NKTR: variants seen among roughly 807,000 people sequenced by gnomAD.
NKTR encodes NK-tumor recognition protein.
A neutral mutation model predicts 156.3 loss-of-function variants in NKTR; 67 were observed. That is an observed-to-expected ratio of 0.43 (90% confidence interval 0.35 to 0.53). The LOEUF (loss-of-function observed/expected upper bound fraction) is 0.53. Ranked by LOEUF, NKTR falls within the 20% of genes least tolerant of loss-of-function variation. NKTR has a pLI of 0.01. For synonymous variants in NKTR, 640 were observed against 596.6 expected (o/e 1.07, Z -1.06); for missense variants, 1,604 against 1,730.9 (o/e 0.93, Z 1.30).
chr3:42,639,886 C>CA, intron 13 of NKTR, 136 bp downstream of exon 13: 1 of 740,614 alleles, frequency 1.4e-6, no homozygotes, highest in South Asian at 2.0e-5. Flanking sequence ...TTGTGTGATT[C>CA]AGAGAGTAGA....
At chr3:42,630,887 G>T (rs919105984) in intron 7 of NKTR, 7 of 1,362,916 alleles carry the variant, frequency 5.1e-6, no homozygotes, top group Admixed American at 3.4e-5. Context: ...CTGTAAGGAA[G>T]GTTCCCAAGT....
At chr3:42,644,844 A>T (rs965472228) in intron 16 of NKTR, among the ~76,000 whole-genome samples, 15 of 152,272 alleles carry the variant, frequency 9.9e-5, no homozygotes, top group Middle Eastern at 3.4e-3. Flanking sequence ...TAATCCTAGG[A>T]TACAGTCCCT....
Position 42,638,595 on chromosome 3 carries a change from G to C in NKTR, c.2891G>C (p.Cys964Ser), listed in dbSNP as rs758763448. ...RTSTSDSEGS[C>S]SNSENNRGKP... Reference sequence around the variant, plus strand: ...TCAACTTCTGACTCTGAGGGGTCCTGTTCCAATTCGGAAAACAATAGGGGA... The same window carrying C: ...TCAACTTCTGACTCTGAGGGGTCCTCTTCCAATTCGGAAAACAATAGGGGA... The change falls in exon 13 of 17, where the codon TGT becomes TCT. Residue 964 changes from cysteine (C) to serine (S), a missense_variant. Physicochemically the swap from Cys to Ser is moderately radical, Grantham distance 112. Transcript: ENST00000232978. The C allele has an allele frequency of 7.4e-6, 12 of 1,613,888 alleles. No individual in the cohort carries two copies. The African/African-American group carries it at 1.3e-4, about 18-fold the overall frequency.
Position 42,639,211 on chromosome 3 carries a change from A to G in NKTR, c.3507A>G (p.Glu1169=). The change falls in exon 13 of 17, where the codon GAA becomes GAG. Residue 1169 remains glutamate (E), a synonymous_variant. Transcript: ENST00000232978. Reference sequence around the variant, plus strand: ...TTTTGAAGCAGGATATGGCAACGGAACATCCTCAAGCAGAGGTAGTAAAAC... The same window carrying G: ...TTTTGAAGCAGGATATGGCAACGGAGCATCCTCAAGCAGAGGTAGTAAAAC... ...NIVLKQDMAT[E]HPQAEVVKQE... 1 of 1,614,220 alleles carries G rather than the reference A, an allele frequency of 6.2e-7. No homozygotes were observed. Among genetic ancestry groups the G allele is most frequent in the Non-Finnish European group, 8.5e-7 (1 of 1,180,042 alleles).
chr3:42,638,000 A>G lies in NKTR; in HGVS notation c.2296A>G (p.Asn766Asp). The change falls in exon 13 of 17, where the codon AAT becomes GAT. Residue 766 changes from asparagine (N) to aspartate (D), a missense_variant. Coordinates refer to ENST00000232978, the MANE Select transcript of NKTR (RefSeq NM_005385.4). ...KRRLRSSGKK[N>D]SVSHKKHSSS... ...GAGACTTAGATCCAGTGGGAAAAAAAATAGCGTTTCACATAAAAAGCATAG... is the reference window on the plus strand; with the variant it reads ...GAGACTTAGATCCAGTGGGAAAAAAGATAGCGTTTCACATAAAAAGCATAG... 6.2e-7 allele frequency: 1 copy of G among 1,614,198 alleles called. No individual in the cohort carries two copies. Among genetic ancestry groups the G allele is most frequent in the South Asian group, 1.1e-5 (1 of 91,074 alleles).
At chr3:42,621,364 A>C in intron 5 of NKTR, 65 bp from the exon 6 acceptor site, 1 of 1,548,748 alleles carries the variant, frequency 6.5e-7, no homozygotes, top group African/African-American at 1.4e-5. Flanking sequence ...TCTATTTATT[A>C]CTTGAACATT....
rs768519052 is a variant in NKTR, at chr3:42,638,990, T to A, written c.3286T>A (p.Leu1096Ile). The change falls in exon 13 of 17, where the codon TTA (leucine) becomes ATA (isoleucine). Residue 1096 changes from leucine (L) to isoleucine (I), a missense_variant. By Grantham distance (5) the Leu-to-Ile change is conservative. Transcript: ENST00000232978. Reference protein sequence around the residue: ...DSKLSISPTALNTEENVACLQ... With the variant: ...DSKLSISPTAINTEENVACLQ... The stretch of plus-strand genomic sequence containing the variant: ...TAAACTCAGTATTTCTCCCACAGCT[T>A]TAAATACTGAGGAAAATGTGGCCTG... The A allele has an allele frequency of 6.2e-7, 1 of 1,613,474 alleles. No homozygotes were observed. The highest frequency in any genetic ancestry group is 2.2e-5 in the East Asian group (1 of 44,876).
intron 2 of NKTR, among the ~76,000 whole-genome samples, chr3:42,608,240 C>T (rs1706428559): frequency 6.6e-6 from 1 of 151,876 alleles, no homozygotes; most frequent in Admixed American, 6.6e-5. Flanking sequence ...ATCCACCCAC[C>T]TCGGCCTCCG....
intron 2 of NKTR, among the ~76,000 whole-genome samples, chr3:42,605,040 C>T (rs1406762444): frequency 1.3e-5 from 2 of 152,040 alleles, no homozygotes; most frequent in African/African-American, 2.4e-5. Context: ...TTTTGAGGCT[C>T]TTAGGTGGGT....
chr3:42,633,430 T>C (rs1709093778), intron 9 of NKTR, 150 bp from the exon 10 acceptor site: 17 of 1,413,636 alleles, frequency 1.2e-5, no homozygotes, highest in South Asian at 1.6e-5. Context: ...TGGGTTGATA[T>C]TGTTCTCTTT....
chr3:42,615,807 T>A (rs1258474191), intron 2 of NKTR, among the ~76,000 whole-genome samples: 1 of 152,174 alleles, frequency 6.6e-6, no homozygotes, highest in East Asian at 1.9e-4. Context: ...ACATTTATTA[T>A]ACTGGTAAAA....
chr3:42,634,784 A>G lies in NKTR; in HGVS notation c.1017+84A>G. On this transcript the variant is annotated intron_variant, in intron 11 of 16. Transcript: ENST00000232978. Reference sequence around the variant, plus strand: ...TTCAAAGTCCTAGCGTTAATTTTAGATATAATACAAAATCTGTTCAAGGAA... The same window carrying G: ...TTCAAAGTCCTAGCGTTAATTTTAGGTATAATACAAAATCTGTTCAAGGAA... The G allele has an allele frequency of 4.3e-6, 3 of 689,734 alleles. No individual in the cohort carries two copies. The Admixed American group carries it at 9.3e-5, about 21-fold the overall frequency. The allele number at this position is 689,734 out of a possible 1,614,324, so 42.7% of individuals were successfully genotyped here. A position where few individuals can be genotyped will look rare whatever the true frequency, so the allele number is the denominator to read the frequency against.
intron 1 of NKTR, 37 bp from the exon 2 acceptor site, chr3:42,600,947 C>CCCCCG: frequency 1.4e-6 from 2 of 1,411,992 alleles, no homozygotes; most frequent in Non-Finnish European, 9.5e-7. Context: ...CCCGCCCTCG[C>CCCCCG]CCCTGCCCTG....
intron 3 of NKTR, among the ~76,000 whole-genome samples, chr3:42,618,045 G>A (rs1242118531): frequency 6.6e-6 from 1 of 152,006 alleles, no homozygotes; most frequent in African/African-American, 2.4e-5. Context: ...CATCTATAAT[G>A]TTACTTTAAA....
At chr3:42,609,486 A>G (rs1359910157) in intron 2 of NKTR, among the ~76,000 whole-genome samples, 4 of 152,260 alleles carry the variant, frequency 2.6e-5, no homozygotes, top group African/African-American at 9.6e-5. Context: ...AAATATGGCA[A>G]AACATCTTTG....
chr3:42,634,627 T>A lies in NKTR; in HGVS notation c.944T>A (p.Val315Asp). 6.3e-7 allele frequency: 1 copy of A among 1,580,396 alleles called. No homozygotes were observed. The highest frequency in any genetic ancestry group is 8.6e-7 in the Non-Finnish European group (1 of 1,160,054). The change falls in exon 11 of 17, where the codon GTT (valine) becomes GAT (aspartate). Residue 315 changes from valine to aspartate, a missense_variant. Val to Asp is a radical substitution (Grantham distance 152). Transcript: ENST00000232978. The part of the protein sequence containing the change: ...TAEPEPKIPD[V>D]APIVSDQKPS... ...TCTTTTCCTAGGAAGATTCCTGATG[T>A]TGCACCCATTGTAAGTGATCAGAAA...
At chr3:42,621,112 T>C in intron 5 of NKTR, 1 of 989,274 alleles carries the variant, frequency 1.0e-6, no homozygotes, top group East Asian at 1.1e-4. Flanking sequence ...TCTAAAATTT[T>C]ATTAGTTTTC....
At chr3:42,610,830 T>C (rs1035669512) in intron 2 of NKTR, among the ~76,000 whole-genome samples, 2 of 152,192 alleles carry the variant, frequency 1.3e-5, no homozygotes, top group African/African-American at 4.8e-5. Context: ...TGTTACACTT[T>C]AATGTTACTT....
At chr3:42,612,409 A>G (rs1419807285) in intron 2 of NKTR, 1 of 152,156 alleles carries the variant, frequency 6.6e-6, no homozygotes, top group Non-Finnish European at 1.5e-5. Flanking sequence ...ACATAAAAAA[A>G]ATTTTGCCAT....
Sources: gnomAD v4.1 joint callset for allele counts (sites outside exome capture counted in the v4.1 genomes callset) on GRCh38, gnomAD v4.1.1 for gene constraint, MANE v1.5 for transcripts, NCBI Gene and HGNC (gene_info 2026-07-23, HGNC 2026-07-21) for gene names.